TMEM130: variants seen among roughly 807,000 people sequenced by gnomAD.
TMEM130 encodes transmembrane protein 130.
In TMEM130, 37 loss-of-function variants were observed where a neutral mutation model predicts 42.9. That is an observed-to-expected ratio of 0.86 (90% CI 0.66 to 1.13). The LOEUF is 1.13. Among genes scored for constraint, TMEM130 ranks in the 50% most tolerant of loss-of-function variants. TMEM130 has a pLI of 0.00. For synonymous variants in TMEM130, 259 were observed against 237.7 expected (o/e 1.09, Z -0.82); for missense variants, 545 against 562.6 (o/e 0.97, Z 0.32).
At position 98,848,038 on chromosome 7, in the gene TMEM130, G is replaced by A; in HGVS notation, c.*18C>T. 1 of 1,606,898 alleles carries A rather than the reference G, an allele frequency of 6.2e-7. No individual in the cohort carries two copies. Among genetic ancestry groups the A allele is most frequent in the East Asian group, 2.2e-5 (1 of 44,822 alleles). ...CAGCAGTCAGTTAACACTGAGATGG[G>A]GTGGGGAGGGGGAGTGCTCACACGG... On this transcript the variant is annotated 3_prime_UTR_variant, in exon 8 of 8. Transcript: ENST00000339375.
intron 5 of TMEM130, among the ~76,000 whole-genome samples, chr7:98,854,530 G>A (rs1321200828): frequency 6.6e-6 from 1 of 152,176 alleles, no homozygotes; most frequent in Non-Finnish European, 1.5e-5. Context: ...CTTGAGCTCA[G>A]GAGACTGAGA....
Position 98,863,168 on chromosome 7 carries a change from A to G in TMEM130, c.318T>C (p.Ser106=). ...AGCAGTCAGCGGCAGTGACCCAGAC[A>G]GAGACCGGGAATTCCCCGGGCACGT... ...VGHVPGEFPV[S]VWVTAADCWM... The change falls in exon 2 of 8, where the codon TCT becomes TCC. Residue 106 remains serine, a synonymous_variant. Coordinates refer to ENST00000339375, the MANE Select transcript of TMEM130 (RefSeq NM_152913.3). 1 of 1,614,104 alleles carries G rather than the reference A, an allele frequency of 6.2e-7. No individual in the cohort carries two copies. Among genetic ancestry groups the G allele is most frequent in the Non-Finnish European group, 8.5e-7 (1 of 1,180,026 alleles).
chr7:98,857,561 G>A (rs782352295), intron 3 of TMEM130, among the ~76,000 whole-genome samples: 2 of 151,862 alleles, frequency 1.3e-5, no homozygotes, highest in East Asian at 2.0e-4. Flanking sequence ...TTAGCCAGTC[G>A]TAATGTTACA....
intron 5 of TMEM130, among the ~76,000 whole-genome samples, chr7:98,854,316 G>A (rs1794578903): frequency 6.6e-6 from 1 of 152,188 alleles, no homozygotes; most frequent in African/African-American, 2.4e-5. Flanking sequence ...CAAAGATCTG[G>A]GGGCTGGAAA....
chr7:98,855,172 G>T, intron 5 of TMEM130, 68 bp downstream of exon 5: 1 of 1,414,274 alleles, frequency 7.1e-7, no homozygotes, highest in Non-Finnish European at 9.8e-7. Flanking sequence ...GAACAGACTT[G>T]GGGTCATCGT....
At chr7:98,852,747 A>G (rs1794540634) in intron 5 of TMEM130, among the ~76,000 whole-genome samples, 1 of 151,978 alleles carries the variant, frequency 6.6e-6, no homozygotes, top group Non-Finnish European at 1.5e-5. Flanking sequence ...GGCATGCACC[A>G]CCGTGCCTGG....
At chr7:98,856,232 T>G (rs782746275) in intron 3 of TMEM130, 49 bp from the exon 4 acceptor site, 1 of 1,582,672 alleles carries the variant, frequency 6.3e-7, no homozygotes, top group South Asian at 1.1e-5. Context: ...GACGGTTGCT[T>G]CCCCTTCCTG....
chr7:98,855,173 G>A, intron 5 of TMEM130, 67 bp downstream of exon 5: 1 of 1,421,722 alleles, frequency 7.0e-7, no homozygotes, highest in African/African-American at 1.4e-5. Context: ...AACAGACTTG[G>A]GGTCATCGTG....
In TMEM130 at chr7:98,848,608, G is replaced by A. The variant is rs782248238; in HGVS notation, c.1094C>T (p.Ala365Val). 14 of 1,613,220 alleles carry A rather than the reference G, an allele frequency of 8.7e-6. No individual in the cohort carries two copies. The highest frequency in any genetic ancestry group is 1.2e-5 in the Non-Finnish European group (14 of 1,179,296). ...AFIMYMTLRN[A>V]TQQKDMVENP... ...CTCCACCATGTCCTTTTGCTGAGTG[G>A]CATTCCGCAGGGTCATGTACATGAT... The change falls in exon 7 of 8, where the codon GCC becomes GTC. Residue 365 changes from alanine (A) to valine (V), a missense_variant. Ala to Val is a moderately conservative substitution (Grantham distance 64). Coordinates refer to ENST00000339375, the MANE Select transcript of TMEM130 (RefSeq NM_152913.3).
intron 3 of TMEM130, among the ~76,000 whole-genome samples, chr7:98,857,509 G>A (rs529840875): frequency 1.3e-3 from 194 of 152,128 alleles, no homozygotes; most frequent in African/African-American, 4.5e-3. Context: ...AGACCAGCCT[G>A]GGCAATTTGG....
intron 5 of TMEM130, among the ~76,000 whole-genome samples, chr7:98,852,488 T>C (rs914597883): frequency 6.6e-5 from 10 of 152,040 alleles, no homozygotes; most frequent in African/African-American, 2.2e-4. Context: ...CTCCAACTCC[T>C]AGCCTCAAGT....
At chr7:98,866,584 G>A (rs1454112691) in intron 1 of TMEM130, 2 of 152,226 alleles carry the variant, frequency 1.3e-5, no homozygotes, top group African/African-American at 4.8e-5. Flanking sequence ...GGCCAGCCCG[G>A]GGAGTAGAAG....
rs1554401021 is a variant in TMEM130 at position 98,869,231 on chromosome 7, A to C, written c.85+546T>G. On this transcript the variant is annotated intron_variant, in intron 1 of 7. Transcript: ENST00000339375. This position sits in a 1 kb window ranked among gnomAD's most constrained non-coding sequence, Gnocchi z 4.7. ...CCAGGAACCTGTCAGCTCCGGGTCC[A>C]TTTTGGAAATCACCACCAGAGAGGA... is the stretch of plus-strand genomic sequence containing the variant. 7.8e-7 allele frequency: 1 copy of C among 1,288,800 alleles called. No individual in the cohort carries two copies. The highest frequency in any genetic ancestry group is 2.3e-5 in the Admixed American group (1 of 43,506). The allele number at this position is 1,288,800 out of a possible 1,614,324, so 79.8% of individuals were successfully genotyped here.
intron 3 of TMEM130, among the ~76,000 whole-genome samples, chr7:98,858,883 G>T (rs1290255674): frequency 1.4e-5 from 2 of 140,794 alleles, no homozygotes; most frequent in African/African-American, 5.1e-5. Flanking sequence ...CACATTCTGA[G>T]TTTTGCTGGG....
In TMEM130 at chr7:98,856,108, T is replaced by G. The variant is rs1554398968; in HGVS notation, c.627A>C (p.Lys209Asn). 28 of 1,613,992 alleles carry G rather than the reference T, an allele frequency of 1.7e-5. No homozygotes were observed. Among genetic ancestry groups the G allele is most frequent in the Non-Finnish European group, 2.4e-5 (28 of 1,180,018 alleles). The change falls in exon 4 of 8, where the codon AAA becomes AAC. Residue 209 changes from lysine to asparagine, a missense_variant. Lys to Asn is a moderately conservative substitution (Grantham distance 94). Transcript: ENST00000339375. ...SIIGTFTVKL[K>N]VVAEWEEVEP... is the part of the protein sequence containing the mutation. ...CCACCTCTTCCCACTCCGCCACCACTTTGAGCTTCACGGTGAAGGTCCCGA... is the reference window on the plus strand; with the variant it reads ...CCACCTCTTCCCACTCCGCCACCACGTTGAGCTTCACGGTGAAGGTCCCGA...
chr7:98,851,046 A>G (rs1794490157), intron 6 of TMEM130, among the ~76,000 whole-genome samples: 1 of 151,968 alleles, frequency 6.6e-6, no homozygotes, highest in Admixed American at 6.6e-5. Flanking sequence ...TAGAGTCGTT[A>G]GTGGTGGCAA....
At chr7:98,858,278 C>T (rs1482667653) in intron 3 of TMEM130, among the ~76,000 whole-genome samples, 3 of 152,188 alleles carry the variant, frequency 2.0e-5, no homozygotes, top group African/African-American at 7.2e-5. Flanking sequence ...CGGTGGCTCA[C>T]ACCTGTCATC....
chr7:98,859,102 G>A (rs1218433832), intron 3 of TMEM130, among the ~76,000 whole-genome samples: 1 of 132,566 alleles, frequency 7.5e-6, no homozygotes, highest in African/African-American at 2.8e-5. Flanking sequence ...GGAAGAAAAA[G>A]AAGGAAGAAA....
At chr7:98,853,101 A>G (rs180829250) in intron 5 of TMEM130, among the ~76,000 whole-genome samples, 17 of 152,254 alleles carry the variant, frequency 1.1e-4, no homozygotes, top group Non-Finnish European at 1.9e-4. Context: ...ATTCCACACA[A>G]CACTAGGTCC....
Sources: allele counts gnomAD v4.1 joint callset (sites outside exome capture counted in the v4.1 genomes callset), GRCh38; gene constraint gnomAD v4.1.1; non-coding constraint Gnocchi (gnomAD v3.1); transcripts MANE v1.5; gene names NCBI Gene and HGNC (gene_info 2026-07-23, HGNC 2026-07-21).